SKA3: variants seen among roughly 807,000 people sequenced by gnomAD.
The protein encoded by SKA3 is spindle and kinetochore associated complex subunit 3, also known as spindle and kinetochore-associated protein 3.
A neutral mutation model predicts 44.2 loss-of-function variants in SKA3; 39 were observed. The ratio of observed to expected loss-of-function variants is 0.88; its 90% CI spans 0.68 to 1.15. SKA3 has a LOEUF of 1.15. SKA3 is among the 50% of genes most tolerant of loss of function. SKA3 has a pLI of 0.00. For synonymous variants in SKA3, 192 were observed against 172.0 expected, an observed-to-expected ratio of 1.12 and a Z score of -0.91; for missense variants, 511 against 485.8, an observed-to-expected ratio of 1.05 and a Z score of -0.49.
At chr13:21,174,946 T>C (rs1005278643) in intron 1 of SKA3, among the ~76,000 whole-genome samples, 5 of 146,180 alleles carry the variant, frequency 3.4e-5, no homozygotes, top group Admixed American at 2.7e-4. Context: ...ACTAATGAAA[T>C]TGATGTCTTT....
intron 1 of SKA3, 97 bp downstream of exon 1, chr13:21,176,278 T>A: frequency 1.0e-6 from 1 of 953,848 alleles, no homozygotes; most frequent in Non-Finnish European, 1.4e-6. Flanking sequence ...ACGCCGTCAG[T>A]GCCTGGCGGT....
Position 21,154,998 on chromosome 13 carries a change from G to A in SKA3, c.*152C>T. 1 of 1,269,630 alleles carries A rather than the reference G, an allele frequency of 7.9e-7. No individual in the cohort carries two copies. Among genetic ancestry groups the A allele is most frequent in the Non-Finnish European group, 1.1e-6 (1 of 897,740 alleles). 78.6% of individuals were successfully genotyped at this position (1,269,630 alleles called of 1,614,324 possible). ...AAACCTTATTGAAACTTCATAAAAA[G>A]CATATTATGATGTTAATGTTCATGT... On this transcript the variant is annotated 3_prime_UTR_variant, in exon 9 of 9. Coordinates refer to ENST00000314759, the MANE Select transcript of SKA3 (RefSeq NM_145061.6).
intron 5 of SKA3, among the ~76,000 whole-genome samples, chr13:21,160,410 T>C (rs1197644213): frequency 6.6e-6 from 1 of 151,972 alleles, no homozygotes; most frequent in East Asian, 1.9e-4. Context: ...AAATTAAAGA[T>C]AAGAACAAGA....
chr13:21,162,919 A>T (rs1261215622), intron 4 of SKA3, among the ~76,000 whole-genome samples: 1 of 152,228 alleles, frequency 6.6e-6, no homozygotes, highest in Admixed American at 6.6e-5. Context: ...GTTGCGGCAC[A>T]TACCTGTAGC....
intron 1 of SKA3, among the ~76,000 whole-genome samples, chr13:21,173,991 CTCA>C (rs368310036): frequency 6.4e-4 from 97 of 152,312 alleles, no homozygotes; most frequent in African/African-American, 2.1e-3. Flanking sequence ...TTTGTTCCTG[CTCA>C]TCATCACTGG....
chr13:21,161,983 G>A (rs1425577618), intron 4 of SKA3, 108 bp from the exon 5 acceptor site: 6 of 565,080 alleles, frequency 1.1e-5, no homozygotes, highest in Non-Finnish European at 1.4e-5. Context: ...ATTCAGTTAT[G>A]CTTTATGGTA....
chr13:21,162,473 C>G lies in SKA3; in HGVS notation c.744-598G>C, dbSNP rs535560278. Among the ~76,000 whole-genome samples, 4 of 151,940 alleles carry G rather than the reference C, an allele frequency of 2.6e-5. No homozygotes were observed. The South Asian group carries it at 8.3e-4, about 32-fold the overall frequency. On this transcript the variant is annotated intron_variant, in intron 4 of 8. Coordinates refer to ENST00000314759, the MANE Select transcript of SKA3 (RefSeq NM_145061.6). ...CTCCACCTCCCAGGTTCAAGTGATTCTCCCACCTAAGCCTCCCGAGTAGCT... is the reference window on the plus strand; with the variant it reads ...CTCCACCTCCCAGGTTCAAGTGATTGTCCCACCTAAGCCTCCCGAGTAGCT...
chr13:21,169,199 C>T (rs1474501246), intron 3 of SKA3, among the ~76,000 whole-genome samples: 1 of 145,362 alleles, frequency 6.9e-6, no homozygotes, highest in African/African-American at 2.5e-5. Flanking sequence ...AGGCTAATCA[C>T]AAACAACCTG....
At chr13:21,169,731 G>A (rs1031822434) in intron 3 of SKA3, among the ~76,000 whole-genome samples, 1 of 151,260 alleles carries the variant, frequency 6.6e-6, no homozygotes, top group African/African-American at 2.4e-5. Flanking sequence ...CACAACACTG[G>A]GCTCAGGTGA....
chr13:21,160,408 G>C (rs1870373220), intron 5 of SKA3, among the ~76,000 whole-genome samples: 1 of 147,388 alleles, frequency 6.8e-6, no homozygotes, highest in South Asian at 2.1e-4. Context: ...AAAAATTAAA[G>C]ATAAGAACAA....
At chr13:21,173,588 G>C (rs2137384742) in intron 1 of SKA3, among the ~76,000 whole-genome samples, 1 of 148,618 alleles carries the variant, frequency 6.7e-6, no homozygotes, top group East Asian at 2.0e-4. Context: ...CCATGAAGTA[G>C]TTTTGTCACT....
In SKA3 at chr13:21,154,670, TC is replaced by T. The variant is rs1870000739; in HGVS notation, c.*479del. 2 of 177,482 alleles carry T rather than the reference TC, an allele frequency of 1.1e-5. No individual in the cohort carries two copies. Among genetic ancestry groups the T allele is most frequent in the Admixed American group, 5.9e-5 (1 of 16,832 alleles). 11.0% of individuals were successfully genotyped at this position (177,482 alleles called of 1,614,324 possible). On this transcript the variant is annotated 3_prime_UTR_variant, in exon 9 of 9. Coordinates refer to ENST00000314759, the MANE Select transcript of SKA3 (RefSeq NM_145061.6). ...TTTTCCTAATTAGTTTAACTGGTGT[TC>T]CTGTTGTTTGCAAACAGCAACTGCA...
chr13:21,164,424 G>A (rs1467183017), intron 4 of SKA3, among the ~76,000 whole-genome samples: 2 of 152,094 alleles, frequency 1.3e-5, no homozygotes, highest in Non-Finnish European at 2.9e-5. Flanking sequence ...TTAAGTTTTC[G>A]TAGAGGTAAA....
At chr13:21,165,492 T>C (rs1181384860) in intron 4 of SKA3, among the ~76,000 whole-genome samples, 1 of 152,092 alleles carries the variant, frequency 6.6e-6, no homozygotes, top group Non-Finnish European at 1.5e-5. Flanking sequence ...ATATAAAATA[T>C]ATATCTTCTT....
At chr13:21,160,755 G>C (rs1010110550) in intron 5 of SKA3, among the ~76,000 whole-genome samples, 35 of 152,158 alleles carry the variant, frequency 2.3e-4, no homozygotes, top group African/African-American at 8.2e-4. Flanking sequence ...TATGCACAAG[G>C]GAAAATTTCC....
chr13:21,176,221 G>A (rs1871509483), intron 1 of SKA3, 154 bp downstream of exon 1: 1 of 595,280 alleles, frequency 1.7e-6, no homozygotes, highest in Non-Finnish European at 2.8e-6. Context: ...CAAACGCCGA[G>A]CAGTGAGACG....
chr13:21,160,435 T>C (rs1442058732), intron 5 of SKA3, among the ~76,000 whole-genome samples: 2 of 151,786 alleles, frequency 1.3e-5, no homozygotes, highest in East Asian at 3.9e-4. Context: ...CCCATGCATA[T>C]ATAGACAAGA....
At chr13:21,158,489 G>A (rs909033926) in intron 6 of SKA3, among the ~76,000 whole-genome samples, 2 of 152,122 alleles carry the variant, frequency 1.3e-5, no homozygotes, top group African/African-American at 2.4e-5. Flanking sequence ...AGGTGTGGTG[G>A]CGCCTGCCTG....
At chr13:21,174,235 C>CT (rs2137385744) in intron 1 of SKA3, among the ~76,000 whole-genome samples, 1 of 152,336 alleles carries the variant, frequency 6.6e-6, no homozygotes, top group African/African-American at 2.4e-5. Context: ...CATCCCATCA[C>CT]TGGGTATATA....
Sources: gnomAD v4.1 joint callset for allele counts (sites outside exome capture counted in the v4.1 genomes callset) on GRCh38, gnomAD v4.1.1 for gene constraint, MANE v1.5 for transcripts, NCBI Gene and HGNC (gene_info 2026-07-23, HGNC 2026-07-21) for gene names.